The following DIXDC1 variants were observed in gnomAD, a reference collection of about 807,000 sequenced individuals.
The protein encoded by DIXDC1 is DIX domain containing 1, also known as dixin.
Under a neutral mutation model 103.1 loss-of-function variants are expected in DIXDC1, and 64 were observed. The ratio of observed to expected loss-of-function variants is 0.62; its 90% CI spans 0.51 to 0.76. The LOEUF (loss-of-function observed/expected upper bound fraction) is 0.76. Ranked by LOEUF, DIXDC1 falls within the 30% of genes least tolerant of loss-of-function variation. DIXDC1 has a pLI of 0.00. For missense variants in DIXDC1, 759 were observed against 834.2 expected, an observed-to-expected ratio of 0.91 and a Z score of 1.11; for synonymous variants, 266 against 298.5, an observed-to-expected ratio of 0.89 and a Z score of 1.12.
At chr11:112,004,414 G>A (rs1555176376) in intron 17 of DIXDC1, among the ~76,000 whole-genome samples, 1 of 152,094 alleles carries the variant, frequency 6.6e-6, no homozygotes, top group Non-Finnish European at 1.5e-5. Context: ...CAAAGGTGAA[G>A]ACCCATTACA....
chr11:111,998,576 C>T lies in DIXDC1; in HGVS notation c.1756+2430C>T, dbSNP rs782260982. ...TTATTTACTTTGAGACAGAGTCTCGCTCTGTTGCCCAGGCTGGAGTGCAAT... is the reference window on the plus strand; with the variant it reads ...TTATTTACTTTGAGACAGAGTCTCGTTCTGTTGCCCAGGCTGGAGTGCAAT... On this transcript the variant is annotated intron_variant, in intron 17 of 19. Coordinates refer to ENST00000440460, the MANE Select transcript of DIXDC1 (RefSeq NM_001037954.4). This position sits in a 1 kb window ranked among gnomAD's most constrained non-coding sequence, Gnocchi z 4.1. 8.5e-5 allele frequency among the ~76,000 whole-genome samples: 13 copies of T among 152,282 alleles called. No homozygotes were observed. Among genetic ancestry groups the T allele is most frequent in the Non-Finnish European group, 1.3e-4 (9 of 68,028 alleles).
intron 5 of DIXDC1, 195 bp downstream of exon 5, chr11:111,975,178 G>A: frequency 7.2e-7 from 1 of 1,381,526 alleles, no homozygotes; most frequent in African/African-American, 1.5e-5. Context: ...TGGGGTGCTG[G>A]TTTATTTCCC....
chr11:111,995,324 TCTCTC>T, intron 15 of DIXDC1, 74 bp from the exon 16 acceptor site: 2 of 1,562,510 alleles, frequency 1.3e-6, no homozygotes, highest in Non-Finnish European at 1.7e-6. Flanking sequence ...TCTGGAAACT[TCTCTC>T]CTATATCCTT....
At chr11:111,949,431 C>T (rs1273940039) in intron 1 of DIXDC1, among the ~76,000 whole-genome samples, 1 of 152,182 alleles carries the variant, frequency 6.6e-6, no homozygotes, top group African/African-American at 2.4e-5. Context: ...CTCTTTTTGT[C>T]GCTCCCTACA....
chr11:111,966,397 ATTTTTTT>A (rs1221666046), intron 2 of DIXDC1, among the ~76,000 whole-genome samples: 5 of 58,644 alleles, frequency 8.5e-5, no homozygotes, highest in African/African-American at 3.2e-4. Flanking sequence ...TAATTTTTGT[ATTTTTTT>A]TTTTTTTTTT....
intron 14 of DIXDC1, among the ~76,000 whole-genome samples, chr11:111,994,496 TATAC>T (rs1168038235): frequency 1.3e-5 from 2 of 151,384 alleles, no homozygotes; most frequent in African/African-American, 4.8e-5. Flanking sequence ...CACACACATA[TATAC>T]ATACATATAT....
chr11:111,929,489 G>A (rs1965943821), intron 1 of DIXDC1, among the ~76,000 whole-genome samples: 1 of 151,140 alleles, frequency 6.6e-6, no homozygotes, highest in African/African-American at 2.4e-5. Context: ...AGGCTGAGGT[G>A]GGAGGATCAC....
intron 17 of DIXDC1, among the ~76,000 whole-genome samples, chr11:112,013,932 C>T (rs1313644269): frequency 2.6e-5 from 4 of 152,080 alleles, no homozygotes; most frequent in African/African-American, 9.7e-5. Flanking sequence ...TGGGAGTTGG[C>T]ATGTGCTGAG....
Position 112,017,702 on chromosome 11 carries a change from G to C in DIXDC1, c.1863-75G>C. 1 of 1,259,174 alleles carries C rather than the reference G, an allele frequency of 7.9e-7. No individual in the cohort carries two copies. Among genetic ancestry groups the C allele is most frequent in the Non-Finnish European group, 1.1e-6 (1 of 890,956 alleles). The allele number at this position is 1,259,174 out of a possible 1,614,324, so 78.0% of individuals were successfully genotyped here. ...TGCTTATTGACTTTGGCAGGGGGCT[G>C]TGTTTAAAGTTAACATCTTATCTTT... On this transcript the variant is annotated intron_variant, in intron 18 of 19. Coordinates refer to ENST00000440460, the MANE Select transcript of DIXDC1 (RefSeq NM_001037954.4). The surrounding 1 kb of genome is among the most constrained non-coding windows in gnomAD (Gnocchi z 4.0).
At position 111,977,380 on chromosome 11, in the gene DIXDC1, C is replaced by T. The variant is rs1359375217; in HGVS notation, c.656+2397C>T. 7.4e-6 allele frequency: 8 copies of T among 1,083,782 alleles called. No homozygotes were observed. The highest frequency in any genetic ancestry group is 1.1e-4 in the Admixed American group (2 of 17,610). 67.1% of individuals were successfully genotyped at this position (1,083,782 alleles called of 1,614,324 possible). On this transcript the variant is annotated intron_variant, in intron 5 of 19. Transcript: ENST00000440460. This position sits in a 1 kb window ranked among gnomAD's most constrained non-coding sequence, Gnocchi z 6.1. ...GCAGCCTGCGCCGCCGGGAGCCTCC[C>T]TCCCAGTGGGAGATGGGTTGAGATG... is the stretch of plus-strand genomic sequence containing the variant.
At chr11:111,939,892 C>A (rs1422612469) in intron 1 of DIXDC1, among the ~76,000 whole-genome samples, 4 of 152,166 alleles carry the variant, frequency 2.6e-5, no homozygotes, top group African/African-American at 9.7e-5. Context: ...TCAGAATACG[C>A]TTTAATTCTT....
chr11:111,959,838 C>T (rs1859512460), intron 1 of DIXDC1, among the ~76,000 whole-genome samples: 1 of 152,130 alleles, frequency 6.6e-6, no homozygotes, highest in Admixed American at 6.6e-5. Context: ...TGAATGACCT[C>T]TTAGTGCAAG....
intron 1 of DIXDC1, among the ~76,000 whole-genome samples, chr11:111,941,655 T>C (rs2137444907): frequency 6.7e-6 from 1 of 150,348 alleles, no homozygotes; most frequent in South Asian, 2.1e-4. Flanking sequence ...GTCTCTACAG[T>C]TAAAAAAAAA....
intron 17 of DIXDC1, among the ~76,000 whole-genome samples, chr11:112,001,802 G>A (rs587695300): frequency 1.3e-4 from 19 of 150,720 alleles, no homozygotes; most frequent in African/African-American, 4.7e-4. Flanking sequence ...TGTTGCCCAG[G>A]CTGGAGTGCA....
upstream of DIXDC1, among the ~76,000 whole-genome samples, chr11:111,932,616 A>G (rs1179498933): frequency 4.0e-5 from 6 of 151,242 alleles, no homozygotes; most frequent in African/African-American, 1.5e-4. Flanking sequence ...AAAATCATGT[A>G]GAATATTTTC....
In DIXDC1 at chr11:111,977,110, A is replaced by G; in HGVS notation, c.656+2127A>G. The G allele has an allele frequency of 3.8e-6, 1 of 262,332 alleles. No individual in the cohort carries two copies. Among genetic ancestry groups the G allele is most frequent in the Non-Finnish European group, 5.9e-6 (1 of 168,630 alleles). The allele number at this position is 262,332 out of a possible 1,614,324, so 16.3% of individuals were successfully genotyped here. On this transcript the variant is annotated intron_variant, in intron 5 of 19. Coordinates refer to ENST00000440460, the MANE Select transcript of DIXDC1 (RefSeq NM_001037954.4). This position sits in a 1 kb window ranked among gnomAD's most constrained non-coding sequence, Gnocchi z 6.1. ...TCCCCTGCCTATCCTGAGGCTCCCA[A>G]TCTCCTCTCCTCGCATCCCCCAACC...
At chr11:111,970,688 A>G (rs1479844455) in intron 3 of DIXDC1, among the ~76,000 whole-genome samples, 10 of 151,770 alleles carry the variant, frequency 6.6e-5, no homozygotes, top group African/African-American at 2.2e-4. Flanking sequence ...GAACAAAGCT[A>G]CAAAGCTGGG....
At chr11:111,978,517 A>G (rs782599789) in intron 5 of DIXDC1, among the ~76,000 whole-genome samples, 2 of 151,926 alleles carry the variant, frequency 1.3e-5, no homozygotes, top group Non-Finnish European at 2.9e-5. Flanking sequence ...AGAAAGAGAA[A>G]TGTTGTTTTC....
intron 1 of DIXDC1, among the ~76,000 whole-genome samples, chr11:111,957,080 A>C (rs1218308493): frequency 1.3e-5 from 2 of 152,094 alleles, no homozygotes; most frequent in East Asian, 1.9e-4. Context: ...GGCTGAGGCA[A>C]GAGGATTGCT....
Sources: gnomAD v4.1 joint callset for allele counts (sites outside exome capture counted in the v4.1 genomes callset) on GRCh38, gnomAD v4.1.1 for gene constraint, Gnocchi (gnomAD v3.1) non-coding constraint, MANE v1.5 for transcripts, NCBI Gene and HGNC (gene_info 2026-07-23, HGNC 2026-07-21) for gene names.